TRIM13: variants seen among roughly 807,000 people sequenced by gnomAD.
TRIM13 encodes the protein tripartite motif containing 13.
A neutral mutation model predicts 27.1 loss-of-function variants in TRIM13; 15 were observed. The ratio of observed to expected loss-of-function variants is 0.55; its 90% CI spans 0.37 to 0.85. The LOEUF is 0.85. Among genes scored for constraint, TRIM13 ranks in the 40% least tolerant of loss-of-function variants. TRIM13 has a pLI of 0.00. For missense variants in TRIM13, 402 were observed against 472.2 expected (o/e 0.85, Z 1.38); for synonymous variants, 193 against 171.5 (o/e 1.13, Z -0.98).
intron 1 of TRIM13, among the ~76,000 whole-genome samples, chr13:49,998,783 G>A (rs193060743): frequency 1.1e-4 from 16 of 152,018 alleles, no homozygotes; most frequent in Admixed American, 7.2e-4. Flanking sequence ...ACAAAAATTA[G>A]CTGGGCGTGG....
In TRIM13 at chr13:49,997,561, A is replaced by G. The variant is rs945434932; in HGVS notation, c.-209A>G. Reference sequence around the variant, plus strand: ...GCTCCTGGCGGTTCACCAGGTCTAAACAGCCGGGCTTTATTTGTGGGGGCG... The same window carrying G: ...GCTCCTGGCGGTTCACCAGGTCTAAGCAGCCGGGCTTTATTTGTGGGGGCG... On this transcript the variant is annotated 5_prime_UTR_variant, in exon 1 of 2. Coordinates refer to ENST00000378182, the MANE Select transcript of TRIM13 (RefSeq NM_213590.3). The G allele has an allele frequency of 1.3e-5, 2 of 152,194 alleles. No homozygotes were observed. The highest frequency in any genetic ancestry group is 4.8e-5 in the African/African-American group (2 of 41,430). The allele number at this position is 152,194 out of a possible 1,614,324, so 9.4% of individuals were successfully genotyped here. A position where few individuals can be genotyped will look rare whatever the true frequency, so the allele number is the denominator to read the frequency against.
rs1320678707 is a variant in TRIM13 at position 50,014,301 on chromosome 13, C to A, written c.*1137C>A. On this transcript the variant is annotated 3_prime_UTR_variant, in exon 2 of 2. Coordinates refer to ENST00000378182, the MANE Select transcript of TRIM13 (RefSeq NM_213590.3). ...AACCAGCTTCGTAAACATAGCAAGA[C>A]CCAGTCTCTACCAAAAAAAAAAAAA... 2 of 97,014 alleles carry A rather than the reference C, an allele frequency of 2.1e-5. No individual in the cohort carries two copies. Among genetic ancestry groups the A allele is most frequent in the Admixed American group, 3.2e-4 (2 of 6,302 alleles). 6.0% of individuals were successfully genotyped at this position (97,014 alleles called of 1,614,324 possible). A position where few individuals can be genotyped will look rare whatever the true frequency, so the allele number is the denominator to read the frequency against.
In TRIM13 at chr13:50,017,521, A is replaced by G. The variant is rs1876759732; in HGVS notation, c.*4357A>G. ...TTCCATTTTAAAGTGAGAAAACATT[A>G]TATTTAGACTTCCATAATTCCAAAA... On this transcript the variant is annotated 3_prime_UTR_variant, in exon 2 of 2. Coordinates refer to ENST00000378182, the MANE Select transcript of TRIM13 (RefSeq NM_213590.3). 6.0e-6 allele frequency: 1 copy of G among 167,076 alleles called. No individual in the cohort carries two copies. The highest frequency in any genetic ancestry group is 6.5e-5 in the Admixed American group (1 of 15,274). The allele number at this position is 167,076 out of a possible 1,614,324, so 10.3% of individuals were successfully genotyped here. A position where few individuals can be genotyped will look rare whatever the true frequency, so the allele number is the denominator to read the frequency against.
At position 50,018,436 on chromosome 13, in the gene TRIM13, T is replaced by G. The variant is rs1043208; in HGVS notation, c.*5272T>G. The G allele has an allele frequency of 0.14, 22,702 of 166,270 alleles. 1,640 individuals are homozygous for G. Among genetic ancestry groups the G allele is most frequent in the African/African-American group, 0.14 (5,861 of 41,544 alleles). The allele number at this position is 166,270 out of a possible 1,614,324, so 10.3% of individuals were successfully genotyped here. On this transcript the variant is annotated 3_prime_UTR_variant, in exon 2 of 2. Coordinates refer to ENST00000378182, the MANE Select transcript of TRIM13 (RefSeq NM_213590.3). ...ATTTGCTAATATTGAGAATCTGTTG[T>G]ATCAAACATAATAAACTTTTTTTGA...
At chr13:50,004,462 CA>C (rs1360814148) in intron 1 of TRIM13, among the ~76,000 whole-genome samples, 2 of 151,088 alleles carry the variant, frequency 1.3e-5, no homozygotes, top group Non-Finnish European at 3.0e-5. Context: ...GATACTCCCT[CA>C]AAAAAAACAA....
In TRIM13 at chr13:50,013,270, G is replaced by C; in HGVS notation, c.*106G>C. 3.4e-6 allele frequency: 4 copies of C among 1,181,126 alleles called. No individual in the cohort carries two copies. Among genetic ancestry groups the C allele is most frequent in the Non-Finnish European group, 4.6e-6 (4 of 861,514 alleles). The allele number at this position is 1,181,126 out of a possible 1,614,324, so 73.2% of individuals were successfully genotyped here. A position where few individuals can be genotyped will look rare whatever the true frequency, so the allele number is the denominator to read the frequency against. On this transcript the variant is annotated 3_prime_UTR_variant, in exon 2 of 2. Transcript: ENST00000378182. The stretch of plus-strand genomic sequence containing the variant: ...TCTAGTCACATATTTTCCTCCAAAA[G>C]TATTCCTTCCAAAAATAATCTATAC...
chr13:50,005,251 G>A (rs1323887655), intron 1 of TRIM13, among the ~76,000 whole-genome samples: 1 of 152,046 alleles, frequency 6.6e-6, no homozygotes, highest in Non-Finnish European at 1.5e-5. Context: ...GATATTAAAG[G>A]CTTTAACTTA....
intron 1 of TRIM13, among the ~76,000 whole-genome samples, chr13:50,002,842 T>C (rs1432908131): frequency 6.6e-6 from 1 of 152,226 alleles, no homozygotes; most frequent in African/African-American, 2.4e-5. Flanking sequence ...TTTGTATTTT[T>C]AGTAGAGACA....
At chr13:50,009,853 C>T (rs1875359256) in intron 1 of TRIM13, among the ~76,000 whole-genome samples, 1 of 151,678 alleles carries the variant, frequency 6.6e-6, no homozygotes, top group Non-Finnish European at 1.5e-5. Context: ...CACTTGAGCC[C>T]AGTATTTCAA....
chr13:50,003,116 A>C (rs1377309993), intron 1 of TRIM13, among the ~76,000 whole-genome samples: 1 of 152,212 alleles, frequency 6.6e-6, no homozygotes, highest in African/African-American at 2.4e-5. Flanking sequence ...GAGCCATTTT[A>C]TTATAGGAAT....
At position 50,012,273 on chromosome 13, in the gene TRIM13, G is replaced by T. The variant is rs780876421; in HGVS notation, c.333G>T (p.Gln111His). The change falls in exon 2 of 2, where the codon CAG becomes CAT. Residue 111 changes from glutamine (Q) to histidine (H), a missense_variant. By Grantham distance (24) the Gln-to-His change is conservative. Coordinates refer to ENST00000378182, the MANE Select transcript of TRIM13 (RefSeq NM_213590.3). ...PLNIFCLTDM[Q>H]LICGICATRG... ...ACATTTTCTGCCTGACTGATATGCAGCTGATTTGTGGGATCTGTGCTACTC... is the reference window on the plus strand; with the variant it reads ...ACATTTTCTGCCTGACTGATATGCATCTGATTTGTGGGATCTGTGCTACTC... 1 of 1,614,172 alleles carries T rather than the reference G, an allele frequency of 6.2e-7. No homozygotes were observed. Among genetic ancestry groups the T allele is most frequent in the South Asian group, 1.1e-5 (1 of 91,078 alleles).
intron 1 of TRIM13, among the ~76,000 whole-genome samples, chr13:49,999,041 G>A (rs908205424): frequency 2.0e-5 from 3 of 151,196 alleles, no homozygotes; most frequent in Admixed American, 6.6e-5. Flanking sequence ...GTAGCCTGCT[G>A]TATCTGGAAG....
At chr13:50,008,859 A>G (rs1173999147) in intron 1 of TRIM13, among the ~76,000 whole-genome samples, 1 of 151,408 alleles carries the variant, frequency 6.6e-6, no homozygotes, top group Middle Eastern at 3.2e-3. Context: ...CTACAAAAAA[A>G]AACTACAAAG....
chr13:50,017,585 C>T lies in TRIM13; in HGVS notation c.*4421C>T, dbSNP rs570072080. The T allele has an allele frequency of 8.4e-5, 14 of 167,026 alleles. No homozygotes were observed. The East Asian group carries it at 2.5e-3, about 30-fold the overall frequency. The allele number at this position is 167,026 out of a possible 1,614,324, so 10.3% of individuals were successfully genotyped here. On this transcript the variant is annotated 3_prime_UTR_variant, in exon 2 of 2. Transcript: ENST00000378182. Reference sequence around the variant, plus strand: ...TTAAAATTAGCATTTTCTTGCATCACCAAATGGTATTCAATTGTTTGAAGC... The same window carrying T: ...TTAAAATTAGCATTTTCTTGCATCATCAAATGGTATTCAATTGTTTGAAGC...
intron 1 of TRIM13, among the ~76,000 whole-genome samples, chr13:49,999,371 C>T (rs929183001): frequency 6.6e-6 from 1 of 152,134 alleles, no homozygotes; most frequent in African/African-American, 2.4e-5. Context: ...CGGAGACCCT[C>T]TCTTGGGTGA....
In TRIM13 at chr13:50,016,996, G is replaced by C. The variant is rs1876681851; in HGVS notation, c.*3832G>C. The C allele has an allele frequency of 6.0e-6, 1 of 166,854 alleles. No homozygotes were observed. The highest frequency in any genetic ancestry group is 1.5e-5 in the Non-Finnish European group (1 of 68,094). The allele number at this position is 166,854 out of a possible 1,614,324, so 10.3% of individuals were successfully genotyped here. A position where few individuals can be genotyped will look rare whatever the true frequency, so the allele number is the denominator to read the frequency against. ...CCTTGGTCTTGCTTACCAACTGGAG[G>C]ACACTAGGTAGAATAACCGAGTATG... is the stretch of plus-strand genomic sequence containing the variant. On this transcript the variant is annotated 3_prime_UTR_variant, in exon 2 of 2. Transcript: ENST00000378182.
intron 1 of TRIM13, among the ~76,000 whole-genome samples, chr13:50,007,472 C>CAG (rs1354520244): frequency 3.5e-4 from 48 of 136,958 alleles, no homozygotes; most frequent in African/African-American, 1.3e-3. Context: ...GCCTGGGCAA[C>CAG]AGTGAGACTC....
chr13:50,009,754 A>AAC (rs1566438921), intron 1 of TRIM13, among the ~76,000 whole-genome samples: 2 of 139,866 alleles, frequency 1.4e-5, no homozygotes, highest in African/African-American at 2.6e-5. Context: ...AAAAAAAAAA[A>AAC]AAAACAACAA....
At chr13:50,008,122 G>A (rs1053569448) in intron 1 of TRIM13, among the ~76,000 whole-genome samples, 15 of 151,974 alleles carry the variant, frequency 9.9e-5, no homozygotes, top group East Asian at 1.9e-4. Context: ...AGCCAGGATG[G>A]TCTTGATCTC....
Sources: gnomAD v4.1 joint callset for allele counts (sites outside exome capture counted in the v4.1 genomes callset) on GRCh38, gnomAD v4.1.1 for gene constraint, MANE v1.5 for transcripts, NCBI Gene and HGNC (gene_info 2026-07-23, HGNC 2026-07-21) for gene names.